The following CDC14A variants were observed in gnomAD, a reference collection of about 807,000 sequenced individuals.
CDC14A encodes cell division cycle 14A.
In CDC14A, 53 loss-of-function variants were observed where a neutral mutation model predicts 74.4. The ratio of observed to expected loss-of-function variants is 0.71; its 90% CI spans 0.57 to 0.89. The LOEUF is 0.89. Ranked by LOEUF, CDC14A falls within the 40% of genes least tolerant of loss-of-function variation. The pLI, the probability that CDC14A is intolerant of heterozygous loss-of-function variation, is 0.00. For synonymous variants in CDC14A, 247 were observed against 258.4 expected (o/e 0.96, Z 0.43); for missense variants, 646 against 713.7 (o/e 0.91, Z 1.08).
chr1:100,483,085 A>C (rs1669658808), intron 10 of CDC14A, among the ~76,000 whole-genome samples: 1 of 152,122 alleles, frequency 6.6e-6, no homozygotes, highest in Non-Finnish European at 1.5e-5. Flanking sequence ...AGAATGATTT[A>C]TATTCCTCAA....
intron 7 of CDC14A, among the ~76,000 whole-genome samples, chr1:100,452,602 G>C (rs1008132992): frequency 2.0e-5 from 3 of 152,228 alleles, no homozygotes; most frequent in African/African-American, 7.2e-5. Context: ...AAAGAAAGCT[G>C]TGAATCTTTT....
In CDC14A at chr1:100,404,185, C is replaced by T. The variant is rs149369289; in HGVS notation, c.309+13361C>T. 3.4e-5 allele frequency among the ~76,000 whole-genome samples: 5 copies of T among 148,098 alleles called. No homozygotes were observed. The East Asian group carries it at 5.9e-4, about 18-fold the overall frequency. On this transcript the variant is annotated intron_variant, in intron 4 of 15. Coordinates refer to ENST00000336454, the MANE Select transcript of CDC14A (RefSeq NM_003672.4). ...CAGCCTGGGCAATAGAGCTAGACTC[C>T]GTCTCAAAAAAAAAAAAAGAGCTAA...
intron 15 of CDC14A, among the ~76,000 whole-genome samples, chr1:100,500,712 C>T (rs1448166956): frequency 2.2e-5 from 3 of 137,818 alleles, no homozygotes; most frequent in Admixed American, 8.0e-5. Context: ...GATCGTGCCA[C>T]GGCACTCCAG....
At chr1:100,365,520 T>A (rs1408648122) in intron 2 of CDC14A, among the ~76,000 whole-genome samples, 2 of 152,182 alleles carry the variant, frequency 1.3e-5, no homozygotes, top group Non-Finnish European at 2.9e-5. Flanking sequence ...ATTTGATAGA[T>A]GAGGACGTGG....
intron 1 of CDC14A, among the ~76,000 whole-genome samples, chr1:100,345,700 C>T (rs1650352103): frequency 6.6e-6 from 1 of 152,132 alleles, no homozygotes; most frequent in South Asian, 2.1e-4. Flanking sequence ...TGTGTTTCCT[C>T]ATTTATAAAA....
intron 5 of CDC14A, among the ~76,000 whole-genome samples, chr1:100,438,521 T>C (rs908738847): frequency 2.0e-5 from 3 of 152,340 alleles, no homozygotes; most frequent in Middle Eastern, 3.4e-3. Context: ...TTCTAACATA[T>C]AGTTTACATT....
chr1:100,484,970 A>C (rs1669878855), intron 11 of CDC14A: 1 of 973,750 alleles, frequency 1.0e-6, no homozygotes, highest in South Asian at 4.8e-5. Context: ...TGAGTTAGGT[A>C]ATACTATCTC....
chr1:100,391,170 T>C, intron 4 of CDC14A: 1 of 287,866 alleles, frequency 3.5e-6, no homozygotes, highest in East Asian at 9.0e-5. Context: ...AATATGATAT[T>C]ATGGAAGATT....
intron 9 of CDC14A, among the ~76,000 whole-genome samples, chr1:100,464,931 T>C (rs998502254): frequency 6.0e-5 from 9 of 150,100 alleles, no homozygotes; most frequent in Non-Finnish European, 1.2e-4. Flanking sequence ...CTTTTCTTTT[T>C]TTTTTTTTTT....
chr1:100,398,992 A>T (rs1313116075), intron 4 of CDC14A, among the ~76,000 whole-genome samples: 1 of 152,192 alleles, frequency 6.6e-6, no homozygotes, highest in African/African-American at 2.4e-5. Flanking sequence ...TAGTTATTTT[A>T]AATTTTTAAT....
chr1:100,392,588 A>G (rs1426036624), intron 4 of CDC14A, among the ~76,000 whole-genome samples: 1 of 152,134 alleles, frequency 6.6e-6, no homozygotes, highest in East Asian at 1.9e-4. Context: ...GATGGTAACG[A>G]TGACTCTGTA....
intron 6 of CDC14A, among the ~76,000 whole-genome samples, chr1:100,442,293 A>G (rs1483830749): frequency 6.8e-6 from 1 of 147,390 alleles, no homozygotes; most frequent in African/African-American, 2.5e-5. Context: ...GAAATATTAC[A>G]TATATATTAT....
intron 9 of CDC14A, among the ~76,000 whole-genome samples, chr1:100,464,032 C>T (rs954350800): frequency 2.6e-5 from 4 of 152,084 alleles, no homozygotes; most frequent in Non-Finnish European, 4.4e-5. Context: ...CTTATTCAGA[C>T]GAGTATGGCT....
intron 4 of CDC14A, among the ~76,000 whole-genome samples, chr1:100,416,048 G>A (rs1377590669): frequency 6.6e-6 from 1 of 152,176 alleles, no homozygotes; most frequent in Non-Finnish European, 1.5e-5. Context: ...TAAATTAAGT[G>A]CCCTGACATT....
chr1:100,467,409 A>G lies in CDC14A; in HGVS notation c.839-547A>G, dbSNP rs1014822870. Among the ~76,000 whole-genome samples, 10 of 147,960 alleles carry G rather than the reference A, an allele frequency of 6.8e-5. No individual in the cohort carries two copies. The South Asian group carries it at 1.1e-3, about 17-fold the overall frequency. ...TTTGTTTTGTTTTACACACGCGCGC[A>G]CACACACACACGCATATGCACACAA... is the stretch of plus-strand genomic sequence containing the variant. On this transcript the variant is annotated intron_variant, in intron 9 of 15. Coordinates refer to ENST00000336454, the MANE Select transcript of CDC14A (RefSeq NM_003672.4).
chr1:100,379,390 A>AT (rs1322160394), intron 3 of CDC14A, among the ~76,000 whole-genome samples: 3 of 152,236 alleles, frequency 2.0e-5, no homozygotes, highest in South Asian at 4.1e-4. Flanking sequence ...CTGGAATGAC[A>AT]TATGTAGCTT....
rs188554283 is a variant in CDC14A at position 100,396,219 on chromosome 1, T to G, written c.309+5395T>G. 3.3e-5 allele frequency among the ~76,000 whole-genome samples: 5 copies of G among 152,318 alleles called. 1 individual carries two copies. The highest frequency in any genetic ancestry group is 2.6e-4 in the Admixed American group (4 of 15,288). On this transcript the variant is annotated intron_variant, in intron 4 of 15. Coordinates refer to ENST00000336454, the MANE Select transcript of CDC14A (RefSeq NM_003672.4). ...GGGTCCTGGAGGCTTCTTGCTTTGC[T>G]GAATCTTGGGGAAGTCTAGGGCCTA... is the stretch of plus-strand genomic sequence containing the variant.
In CDC14A at chr1:100,393,450, C is replaced by A. The variant is rs565821949; in HGVS notation, c.309+2626C>A. The A allele has an allele frequency of 3.9e-6, 3 of 776,792 alleles. No homozygotes were observed. In the Admixed American group the frequency reaches 5.1e-5, roughly 13 times the overall value. The allele number at this position is 776,792 out of a possible 1,614,324, so 48.1% of individuals were successfully genotyped here. ...AGAGGAAGGGGCTGGAAGTTCATAT[C>A]GTTTCATACTGAGCAATTCAGTTGG... On this transcript the variant is annotated intron_variant, in intron 4 of 15. Coordinates refer to ENST00000336454, the MANE Select transcript of CDC14A (RefSeq NM_003672.4).
intron 1 of CDC14A, chr1:100,345,278 T>C (rs1293472741): frequency 1.3e-5 from 2 of 152,186 alleles, no homozygotes; most frequent in Non-Finnish European, 1.5e-5. Context: ...CTTGTGAAAA[T>C]TAGATTTTGG....
Sources: gnomAD v4.1 joint callset for allele counts (sites outside exome capture counted in the v4.1 genomes callset) on GRCh38, gnomAD v4.1.1 for gene constraint, MANE v1.5 for transcripts, NCBI Gene and HGNC (gene_info 2026-07-23, HGNC 2026-07-21) for gene names.